The following GYS1 variants were observed in gnomAD, a reference collection of about 807,000 sequenced individuals.
GYS1 encodes glycogen [starch] synthase, muscle.
In GYS1, 60 loss-of-function variants were observed where a neutral mutation model predicts 89.1. That is an observed-to-expected ratio of 0.67 (90% CI 0.55 to 0.84). The LOEUF is 0.84. Among genes scored for constraint, GYS1 ranks in the 40% least tolerant of loss-of-function variants. The pLI, the probability that GYS1 is intolerant of heterozygous loss-of-function variation, is 0.00. For synonymous variants in GYS1, 366 were observed against 401.7 expected, an observed-to-expected ratio of 0.91 and a Z score of 1.06; for missense variants, 888 against 1,003.1, an observed-to-expected ratio of 0.89 and a Z score of 1.55.
intron 12 of GYS1, among the ~76,000 whole-genome samples, chr19:48,972,928 T>A (rs575669632): frequency 4.2e-4 from 64 of 152,106 alleles, no homozygotes; most frequent in Non-Finnish European, 8.4e-4. Context: ...AACCTAGGAG[T>A]TCCAGGTGAG....
At chr19:48,972,726 A>C (rs1365316306) in intron 12 of GYS1, among the ~76,000 whole-genome samples, 3 of 151,992 alleles carry the variant, frequency 2.0e-5, no homozygotes, top group Non-Finnish European at 4.4e-5. Flanking sequence ...TGATCCTCCC[A>C]CCTCGGCCTC....
At chr19:48,985,628 C>G in intron 4 of GYS1, 23 bp from the exon 5 acceptor site, 1 of 1,613,660 alleles carries the variant, frequency 6.2e-7, no homozygotes. Context: ...GGACAGCAGT[C>G]CGGTTAGAAG....
At chr19:48,970,805 C>A (rs573017660) in intron 13 of GYS1, 96 bp from the exon 14 acceptor site, 15 of 1,413,946 alleles carry the variant, frequency 1.1e-5, no homozygotes, top group African/African-American at 1.4e-5. Flanking sequence ...CTCCCAGCGG[C>A]CCGAGAGCCC....
At chr19:48,983,657 G>A (rs1386781789) in intron 5 of GYS1, among the ~76,000 whole-genome samples, 1 of 152,276 alleles carries the variant, frequency 6.6e-6, no homozygotes. Context: ...ACCAGTCAAA[G>A]GCCTTCTGGG....
rs1488290495 is a variant in GYS1, at chr19:48,970,726, C to A, written c.1646-17G>T. 1 of 1,612,672 alleles carries A rather than the reference C, an allele frequency of 6.2e-7. No homozygotes were observed. Among genetic ancestry groups the A allele is most frequent in the East Asian group, 2.2e-5 (1 of 44,868 alleles). ...TGTAGATACCTGTGGAGGCCAGGACCCAGGTTCAGAAAACATCCTGGGGAG... is the reference window on the plus strand; with the variant it reads ...TGTAGATACCTGTGGAGGCCAGGACACAGGTTCAGAAAACATCCTGGGGAG... On this transcript the variant is annotated splice_polypyrimidine_tract_variant and intron_variant, in intron 13 of 15. Transcript: ENST00000323798.
intron 8 of GYS1, among the ~76,000 whole-genome samples, chr19:48,979,336 C>CTTCTTTTTTTTTTTTTTTTTTTT (rs2038712073): frequency 2.2e-5 from 2 of 92,748 alleles, no homozygotes; most frequent in Non-Finnish European, 4.5e-5. Flanking sequence ...TTTTTCTTTT[C>CTTCTTTTTTTTTTTTTTTTTTTT]TTTTTTTTTT....
At chr19:48,974,541 G>A (rs774978941) in intron 11 of GYS1, 79 bp downstream of exon 11, 56 of 1,082,152 alleles carry the variant, frequency 5.2e-5, no homozygotes, top group Non-Finnish European at 7.5e-5. Flanking sequence ...AAACTTATAG[G>A]GGAATGGAGT....
intron 8 of GYS1, among the ~76,000 whole-genome samples, chr19:48,981,094 CAG>C (rs1030020704): frequency 7.1e-6 from 1 of 140,676 alleles, no homozygotes; most frequent in Non-Finnish European, 1.5e-5. Context: ...GCTTGGGCGA[CAG>C]AGCAAAACTC....
At position 48,978,157 on chromosome 19, in the gene GYS1, C is replaced by G; in HGVS notation, c.1170G>C (p.Trp390Cys). 7 of 1,613,534 alleles carry G rather than the reference C, an allele frequency of 4.3e-6. No individual in the cohort carries two copies. The highest frequency in any genetic ancestry group is 5.1e-6 in the Non-Finnish European group (6 of 1,179,500). The change falls in exon 9 of 16, where the codon TGG (tryptophan) becomes TGC (cysteine). Residue 390 changes from tryptophan to cysteine, a missense_variant and splice_region_variant. Trp to Cys is a radical substitution (Grantham distance 215). Coordinates refer to ENST00000323798, the MANE Select transcript of GYS1 (RefSeq NM_002103.5). ...LKGQAVRKQL[W>C]DTANTVKEKF... ...TTTCCTTCACCGTGTTGGCCGTGTC[C>G]CTGGAGGAAGCAGAGCAACAGGGTC...
rs962641052 is a variant in GYS1 at position 48,969,217 on chromosome 19, G to C, written c.*71C>G. 3 of 1,384,014 alleles carry C rather than the reference G, an allele frequency of 2.2e-6. No individual in the cohort carries two copies. The highest frequency in any genetic ancestry group is 2.9e-6 in the Non-Finnish European group (3 of 1,023,074). 85.7% of individuals were successfully genotyped at this position (1,384,014 alleles called of 1,614,324 possible). A position where few individuals can be genotyped will look rare whatever the true frequency, so the allele number is the denominator to read the frequency against. Reference sequence around the variant, plus strand: ...GTGCAGATCTGGAGCGGGGGTTTAGGAGCAGCACCCCTCTGCATCCTCTCT... The same window carrying C: ...GTGCAGATCTGGAGCGGGGGTTTAGCAGCAGCACCCCTCTGCATCCTCTCT... On this transcript the variant is annotated 3_prime_UTR_variant, in exon 16 of 16. Transcript: ENST00000323798.
rs763884015 is a variant in GYS1 at position 48,993,189 on chromosome 19, G to A, written c.-77C>T. 6.6e-5 allele frequency: 56 copies of A among 848,526 alleles called. No homozygotes were observed. The South Asian group carries it at 7.0e-4, about 11-fold the overall frequency. 52.6% of individuals were successfully genotyped at this position (848,526 alleles called of 1,614,324 possible). A position where few individuals can be genotyped will look rare whatever the true frequency, so the allele number is the denominator to read the frequency against. On this transcript the variant is annotated 5_prime_UTR_variant, in exon 1 of 16. Coordinates refer to ENST00000323798, the MANE Select transcript of GYS1 (RefSeq NM_002103.5). ...GTGTCTAGGGAATGCACCAGGTAGG[G>A]TGCGGGGCCGAGTAGCTGGTGCCCG...
At chr19:48,982,396 G>A (rs576309651) in intron 6 of GYS1, 21 bp from the exon 7 acceptor site, 70 of 1,613,388 alleles carry the variant, frequency 4.3e-5, no homozygotes, top group South Asian at 4.1e-4. Flanking sequence ...CACAAGGCAC[G>A]GTAAAGCCCA....
At chr19:48,972,967 C>G (rs190102520) in intron 12 of GYS1, among the ~76,000 whole-genome samples, 1 of 152,028 alleles carries the variant, frequency 6.6e-6, no homozygotes, top group Admixed American at 6.6e-5. Context: ...AACCCCATCT[C>G]AAAAAAGAAA....
Position 48,982,462 on chromosome 19 carries a change from G to T in GYS1, c.942-87C>A, listed in dbSNP as rs74893260. ...ACTACAAATCCCAGAAGCTATGGGT[G>T]GGGGGGCAGAGGATGTCTTAGGTAA... On this transcript the variant is annotated intron_variant, in intron 6 of 15. Coordinates refer to ENST00000323798, the MANE Select transcript of GYS1 (RefSeq NM_002103.5). 166,660 of 1,498,908 alleles carry T rather than the reference G, an allele frequency of 0.11. 9,838 individuals are homozygous for T. The highest frequency in any genetic ancestry group is 0.16 in the Admixed American group (9,598 of 58,696). The allele number at this position is 1,498,908 out of a possible 1,614,324, so 92.9% of individuals were successfully genotyped here. A position where few individuals can be genotyped will look rare whatever the true frequency, so the allele number is the denominator to read the frequency against.
At chr19:48,970,795 C>A in intron 13 of GYS1, 86 bp from the exon 14 acceptor site, 2 of 1,464,676 alleles carry the variant, frequency 1.4e-6, no homozygotes, top group South Asian at 2.3e-5. Flanking sequence ...GACCCCTCCT[C>A]TCCCAGCGGC....
In GYS1 at chr19:48,991,402, G is replaced by A. The variant is rs376369611; in HGVS notation, c.200C>T (p.Pro67Leu). ...EWGDNYFLVG[P>L]YTEQGVRTQV... ...GGTCCTCACGCCCTGCTCCGTGTAC[G>A]GCCCCACCAGGAAGTAGTTGTCGCC... is the stretch of plus-strand genomic sequence containing the variant. The change falls in exon 2 of 16, where the codon CCG becomes CTG. Residue 67 changes from proline to leucine, a missense_variant. Transcript: ENST00000323798. The surrounding 1 kb of genome is among the most constrained non-coding windows in gnomAD (Gnocchi z 4.7). The A allele has an allele frequency of 4.3e-6, 7 of 1,613,988 alleles. No individual in the cohort carries two copies. Among genetic ancestry groups the A allele is most frequent in the African/African-American group, 2.7e-5 (2 of 74,916 alleles).
In GYS1 at chr19:48,969,420, C is replaced by T; in HGVS notation, c.2082G>A (p.Pro694=). ...TGGAGGAGGTGCAGGACGCTCGGCGCGGCCACTCTGGTGCACGGATGTTGC... is the reference window on the plus strand; with the variant it reads ...TGGAGGAGGTGCAGGACGCTCGGCGTGGCCACTCTGGTGCACGGATGTTGC... ...DRRNIRAPEW[P]RRASCTSSTS... Residue 694 remains proline (P), a synonymous_variant, in exon 16 of 16, where the codon CCG becomes CCA. Transcript: ENST00000323798. The T allele has an allele frequency of 1.3e-6, 2 of 1,547,650 alleles. No individual in the cohort carries two copies. The highest frequency in any genetic ancestry group is 4.9e-5 in the East Asian group (2 of 41,100).
In GYS1 at chr19:48,968,470, G is replaced by C. The variant is rs780324057; in HGVS notation, c.*818C>G. On this transcript the variant is annotated 3_prime_UTR_variant, in exon 16 of 16. Coordinates refer to ENST00000323798, the MANE Select transcript of GYS1 (RefSeq NM_002103.5). ...GTTGGGAATAAGCCAGGTTAGGGGTGGGGGAAGACAGCCAGCTCTGTCCTC... is the reference window on the plus strand; with the variant it reads ...GTTGGGAATAAGCCAGGTTAGGGGTCGGGGAAGACAGCCAGCTCTGTCCTC... 3.5e-5 allele frequency: 16 copies of C among 454,578 alleles called. No individual in the cohort carries two copies. The highest frequency in any genetic ancestry group is 2.3e-4 in the South Asian group (15 of 64,480). The allele number at this position is 454,578 out of a possible 1,614,324, so 28.2% of individuals were successfully genotyped here.
In GYS1 at chr19:48,981,557, T is replaced by G. The variant is rs1363049243; in HGVS notation, c.1142A>C (p.Lys381Thr). Residue 381 changes from lysine to threonine, a missense_variant, in exon 8 of 16, where the codon AAA (lysine) becomes ACA (threonine). Coordinates refer to ENST00000323798, the MANE Select transcript of GYS1 (RefSeq NM_002103.5). ...AAGCTGTTTGCGCACAGCTTGGCCT[T>G]TGAGGGTTTCCACGTTGAAATTGTT... is the stretch of plus-strand genomic sequence containing the variant. ...RTNNFNVETLKGQAVRKQLWD... is the reference protein window; with the variant it reads ...RTNNFNVETLTGQAVRKQLWD... 2 of 1,612,314 alleles carry G rather than the reference T, an allele frequency of 1.2e-6. No individual in the cohort carries two copies. Among genetic ancestry groups the G allele is most frequent in the Non-Finnish European group, 8.5e-7 (1 of 1,178,364 alleles).
Sources: gnomAD v4.1 joint callset for allele counts (sites outside exome capture counted in the v4.1 genomes callset) on GRCh38, gnomAD v4.1.1 for gene constraint, Gnocchi (gnomAD v3.1) non-coding constraint, MANE v1.5 for transcripts, NCBI Gene and HGNC (gene_info 2026-07-23, HGNC 2026-07-21) for gene names.